SNX9: variants seen among roughly 807,000 people sequenced by gnomAD.
The protein encoded by SNX9 is sorting nexin 9.
SNX9 carries 44 observed loss-of-function variants against 89.4 expected under a neutral mutation model. That is an observed-to-expected ratio of 0.49 (90% CI 0.39 to 0.63). The LOEUF is 0.63. SNX9 is among the 30% of genes least tolerant of loss of function. SNX9 has a pLI of 0.00. For synonymous variants in SNX9, 236 were observed against 247.8 expected (o/e 0.95, Z 0.45); for missense variants, 578 against 736.1 (o/e 0.79, Z 2.49).
At chr6:157,914,035 G>T (rs1783407223) in intron 9 of SNX9, among the ~76,000 whole-genome samples, 3 of 152,154 alleles carry the variant, frequency 2.0e-5, no homozygotes, top group African/African-American at 7.2e-5. Context: ...CATTTGGCAA[G>T]TATATATTTA....
intron 7 of SNX9, among the ~76,000 whole-genome samples, chr6:157,907,780 G>A (rs1313058233): frequency 2.0e-5 from 3 of 152,088 alleles, no homozygotes; most frequent in Non-Finnish European, 4.4e-5. Flanking sequence ...CCCAGAGAAA[G>A]CAGAGACTAA....
chr6:157,910,938 G>A lies in SNX9; in HGVS notation c.949+913G>A, dbSNP rs150452969. Among the ~76,000 whole-genome samples, 73 of 152,076 alleles carry A rather than the reference G, an allele frequency of 4.8e-4. 1 individual carries two copies. The East Asian group carries it at 0.013, about 26-fold the overall frequency. On this transcript the variant is annotated intron_variant, in intron 9 of 17. Transcript: ENST00000392185. The stretch of plus-strand genomic sequence containing the variant: ...AGATCGAGACCATCCAGGCTAACAC[G>A]GTGTAACCCTGTCTCTACTAAAAAA...
Position 157,942,865 on chromosome 6 carries a change from C to G in SNX9, c.*27C>G. The G allele has an allele frequency of 6.2e-7, 1 of 1,602,684 alleles. No individual in the cohort carries two copies. The highest frequency in any genetic ancestry group is 1.1e-5 in the South Asian group (1 of 89,830). On this transcript the variant is annotated 3_prime_UTR_variant, in exon 18 of 18. Transcript: ENST00000392185. The stretch of plus-strand genomic sequence containing the variant: ...ACAGAACGGGCCTTGAAGAGAATGC[C>G]GCGTGCTTTCTCCTGACTTGGGGCA...
chr6:157,842,342 T>C (rs566539771), intron 1 of SNX9, among the ~76,000 whole-genome samples: 4 of 152,318 alleles, frequency 2.6e-5, no homozygotes, highest in South Asian at 2.1e-4. Context: ...TTAAAAAATA[T>C]ATGCATGTCT....
At chr6:157,852,013 T>G (rs546227323) in intron 1 of SNX9, among the ~76,000 whole-genome samples, 1 of 152,230 alleles carries the variant, frequency 6.6e-6, no homozygotes, top group Non-Finnish European at 1.5e-5. Flanking sequence ...GTATTTTGTT[T>G]ATTCATCCGT....
chr6:157,937,581 G>T (rs910299119), intron 15 of SNX9, 58 bp downstream of exon 15: 3 of 1,119,652 alleles, frequency 2.7e-6, no homozygotes, highest in Non-Finnish European at 4.1e-6. Flanking sequence ...GCAGATGTGC[G>T]CAGTAGTCAG....
chr6:157,904,716 TAAATA>T (rs1783175193), intron 6 of SNX9, among the ~76,000 whole-genome samples: 1 of 151,984 alleles, frequency 6.6e-6, no homozygotes, highest in South Asian at 2.1e-4. Context: ...CTCAAAAAAA[TAAATA>T]AAATAGAGTA....
At chr6:157,891,728 G>A (rs916116253) in intron 4 of SNX9, among the ~76,000 whole-genome samples, 1 of 152,232 alleles carries the variant, frequency 6.6e-6, no homozygotes, top group South Asian at 2.1e-4. Context: ...GCGGCTGGAT[G>A]TCAGCCAGCA....
In SNX9 at chr6:157,896,700, T is replaced by C; in HGVS notation, c.301-127T>C. On this transcript the variant is annotated intron_variant, in intron 4 of 17. Coordinates refer to ENST00000392185, the MANE Select transcript of SNX9 (RefSeq NM_016224.5). ...TAAAATATTATGTATGTAAAATTGT[T>C]TTGAATACATTTCTATTAATTGTTT... 3 of 1,082,118 alleles carry C rather than the reference T, an allele frequency of 2.8e-6. No homozygotes were observed. The Admixed American group carries it at 6.9e-5, about 25-fold the overall frequency. The allele number at this position is 1,082,118 out of a possible 1,614,324, so 67.0% of individuals were successfully genotyped here.
chr6:157,844,945 C>T (rs950551301), intron 1 of SNX9, among the ~76,000 whole-genome samples: 3 of 151,964 alleles, frequency 2.0e-5, no homozygotes, highest in African/African-American at 7.3e-5. Context: ...TCCCAAAGTT[C>T]GTTCAGCCTG....
rs199843915 is a variant in SNX9, at chr6:157,873,090, G to A, written c.100-12G>A. The stretch of plus-strand genomic sequence containing the variant: ...TCTTTTTCTTTTTTTTTTTTTTTTG[G>A]TGACTTATTAGGATGTAGGTGGAGG... On this transcript the variant is annotated splice_polypyrimidine_tract_variant and intron_variant, in intron 2 of 17. Coordinates refer to ENST00000392185, the MANE Select transcript of SNX9 (RefSeq NM_016224.5). The A allele has an allele frequency of 4.6e-5, 67 of 1,458,108 alleles. No homozygotes were observed. Among genetic ancestry groups the A allele is most frequent in the South Asian group, 5.9e-5 (4 of 68,138 alleles). The allele number at this position is 1,458,108 out of a possible 1,614,324, so 90.3% of individuals were successfully genotyped here.
chr6:157,885,393 T>C (rs1349617017), intron 4 of SNX9: 1 of 152,232 alleles, frequency 6.6e-6, no homozygotes, highest in Non-Finnish European at 1.5e-5. Flanking sequence ...GCCAAAGATC[T>C]GTAAAGAACA....
chr6:157,864,143 G>A lies in SNX9; in HGVS notation c.13-3404G>A, dbSNP rs766586867. 7.2e-5 allele frequency among the ~76,000 whole-genome samples: 11 copies of A among 152,160 alleles called. No homozygotes were observed. The East Asian group carries it at 9.6e-4, about 13-fold the overall frequency. On this transcript the variant is annotated intron_variant, in intron 1 of 17. Coordinates refer to ENST00000392185, the MANE Select transcript of SNX9 (RefSeq NM_016224.5). The stretch of plus-strand genomic sequence containing the variant: ...TCTAGGTGCTGGCAGGGTAGGGCCC[G>A]GCTCTGCTTCCAAGATGGCGCCTTG...
intron 10 of SNX9, among the ~76,000 whole-genome samples, chr6:157,924,208 A>T (rs945759768): frequency 3.3e-5 from 5 of 151,840 alleles, no homozygotes; most frequent in African/African-American, 7.3e-5. Flanking sequence ...AATATATATA[A>T]ATATATATAT....
rs1784095159 is a variant in SNX9, at chr6:157,944,074, A to G, written c.*1236A>G. 1 of 152,352 alleles carries G rather than the reference A, an allele frequency of 6.6e-6. No homozygotes were observed. Among genetic ancestry groups the G allele is most frequent in the South Asian group, 2.1e-4 (1 of 4,828 alleles). 9.4% of individuals were successfully genotyped at this position (152,352 alleles called of 1,614,324 possible). ...TTCCAGCGCTTCACTTAACGGCATA[A>G]AGCAAAACAGGACCTTGGCACACCG... On this transcript the variant is annotated 3_prime_UTR_variant, in exon 18 of 18. Coordinates refer to ENST00000392185, the MANE Select transcript of SNX9 (RefSeq NM_016224.5).
At chr6:157,867,026 G>A (rs1782278029) in intron 1 of SNX9, among the ~76,000 whole-genome samples, 1 of 152,128 alleles carries the variant, frequency 6.6e-6, no homozygotes, top group African/African-American at 2.4e-5. Context: ...CTGGCTTACT[G>A]TAACTTTGAC....
intron 4 of SNX9, among the ~76,000 whole-genome samples, chr6:157,886,473 A>G (rs1303923545): frequency 6.6e-6 from 1 of 152,196 alleles, no homozygotes; most frequent in Admixed American, 6.5e-5. Context: ...CATTTCCACA[A>G]TCACTACTCT....
intron 1 of SNX9, among the ~76,000 whole-genome samples, chr6:157,841,961 C>G (rs954957302): frequency 8.5e-5 from 13 of 152,072 alleles, no homozygotes; most frequent in Non-Finnish European, 1.2e-4. Context: ...TGATCCTGGC[C>G]CGTTTTGTTT....
chr6:157,921,506 G>A, intron 9 of SNX9, 25 bp from the exon 10 acceptor site: 1 of 1,606,512 alleles, frequency 6.2e-7, no homozygotes, highest in Non-Finnish European at 8.5e-7. Context: ...AAAGTTGTAT[G>A]TCATTCTTGG....
Sources: gnomAD v4.1 joint callset for allele counts (sites outside exome capture counted in the v4.1 genomes callset) on GRCh38, gnomAD v4.1.1 for gene constraint, MANE v1.5 for transcripts, NCBI Gene and HGNC (gene_info 2026-07-23, HGNC 2026-07-21) for gene names.